Variants in PRKN observed in about 807,000 individuals in gnomAD.
The protein encoded by PRKN is parkin RBR E3 ubiquitin protein ligase, also known as E3 ubiquitin-protein ligase parkin.
PRKN carries 56 observed loss-of-function variants against 59.5 expected under a neutral mutation model. That is an observed-to-expected ratio of 0.94 (90% CI 0.76 to 1.18). The LOEUF (loss-of-function observed/expected upper bound fraction) is 1.18, where lower values mean the gene tolerates loss of function less well. Ranked by LOEUF, PRKN falls within the 50% of genes most tolerant of loss-of-function variation. The pLI is 0.00. For synonymous variants in PRKN, 250 were observed against 222.1 expected (o/e 1.13, Z -1.12); for missense variants, 657 against 596.4 (o/e 1.10, Z -1.06).
At position 162,290,088 on chromosome 6, in the gene PRKN, T is replaced by C. The variant is rs144804671; in HGVS notation, c.172-27323A>G. 6.6e-5 allele frequency among the ~76,000 whole-genome samples: 10 copies of C among 152,296 alleles called. No individual in the cohort carries two copies. The East Asian group carries it at 1.5e-3, about 24-fold the overall frequency. ...TTATTCGCCTCCTATGTCCTGAGCATGAGAATTGAGCACCAGAGGAAGAAT... is the reference window on the plus strand; with the variant it reads ...TTATTCGCCTCCTATGTCCTGAGCACGAGAATTGAGCACCAGAGGAAGAAT... On this transcript the variant is annotated intron_variant, in intron 2 of 11. Coordinates refer to ENST00000366898, the MANE Select transcript of PRKN (RefSeq NM_004562.3).
At chr6:162,360,873 G>C (rs1212108643) in intron 2 of PRKN, among the ~76,000 whole-genome samples, 5 of 152,140 alleles carry the variant, frequency 3.3e-5, no homozygotes, top group Non-Finnish European at 7.3e-5. Context: ...ATGGTAAAAG[G>C]ATAAAGGAAC....
intron 7 of PRKN, among the ~76,000 whole-genome samples, chr6:161,599,650 A>T (rs2128143095): frequency 6.6e-6 from 1 of 152,250 alleles, no homozygotes; most frequent in Non-Finnish European, 1.5e-5. Flanking sequence ...ATTAAATTCA[A>T]CCAAAGCCTG....
chr6:162,420,302 A>G (rs1788894072), intron 2 of PRKN, among the ~76,000 whole-genome samples: 1 of 152,142 alleles, frequency 6.6e-6, no homozygotes, highest in Non-Finnish European at 1.5e-5. Context: ...TATGTTTAAA[A>G]TACCATAGCC....
intron 1 of PRKN, among the ~76,000 whole-genome samples, chr6:162,467,672 A>G (rs4709620): frequency 0.41 from 62,215 of 151,882 alleles, 16,064 homozygotes; most frequent in African/African-American, 0.73. Flanking sequence ...TTGACACAAG[A>G]AAAAACTCAC....
At chr6:162,138,661 A>G (rs559381560) in intron 4 of PRKN, among the ~76,000 whole-genome samples, 1 of 152,326 alleles carries the variant, frequency 6.6e-6, no homozygotes, top group African/African-American at 2.4e-5. Flanking sequence ...AAGGAAGTAG[A>G]GGGAAAGAGG....
chr6:161,570,241 G>A (rs1283481915), intron 7 of PRKN, among the ~76,000 whole-genome samples: 4 of 138,448 alleles, frequency 2.9e-5, no homozygotes, highest in African/African-American at 5.3e-5. Flanking sequence ...ATAGATATGA[G>A]TTATATATAT....
At chr6:161,771,181 C>G (rs1056494545) in intron 7 of PRKN, among the ~76,000 whole-genome samples, 4 of 151,552 alleles carry the variant, frequency 2.6e-5, no homozygotes, top group Non-Finnish European at 5.9e-5. Context: ...ACGGTGAAAC[C>G]CTGTCTCTAC....
chr6:161,810,614 T>C (rs1023387023), intron 6 of PRKN, among the ~76,000 whole-genome samples: 1 of 152,186 alleles, frequency 6.6e-6, no homozygotes, highest in African/African-American at 2.4e-5. Flanking sequence ...GATCAAGACA[T>C]GGCTGCTAAC....
intron 2 of PRKN, among the ~76,000 whole-genome samples, chr6:162,378,660 T>C (rs1391473721): frequency 6.6e-6 from 1 of 152,252 alleles, no homozygotes; most frequent in Non-Finnish European, 1.5e-5. Context: ...TTGTTCTACC[T>C]GGCAGTCTCA....
intron 2 of PRKN, among the ~76,000 whole-genome samples, chr6:162,326,969 T>C (rs926390428): frequency 1.3e-5 from 2 of 152,188 alleles, no homozygotes; most frequent in African/African-American, 2.4e-5. Context: ...AACTCTACCC[T>C]ATTATCACAG....
chr6:162,693,330 C>T (rs34653853), intron 1 of PRKN, among the ~76,000 whole-genome samples: 12,921 of 152,212 alleles, frequency 0.085, 692 homozygotes, highest in Middle Eastern at 0.18. Flanking sequence ...GAGATGGGAT[C>T]GTGACCTACC....
At chr6:162,618,856 G>C (rs967762916) in intron 1 of PRKN, among the ~76,000 whole-genome samples, 2 of 152,166 alleles carry the variant, frequency 1.3e-5, no homozygotes, top group African/African-American at 4.8e-5. Flanking sequence ...GCAACACATT[G>C]TGTCCGAAAT....
intron 7 of PRKN, among the ~76,000 whole-genome samples, chr6:161,724,879 G>A (rs1787374683): frequency 6.6e-6 from 1 of 152,220 alleles, no homozygotes; most frequent in South Asian, 2.1e-4. Context: ...CCTGGTAGGA[G>A]GTGTTTGGGT....
chr6:162,399,919 G>T (rs1261177278), intron 2 of PRKN, among the ~76,000 whole-genome samples: 1 of 152,178 alleles, frequency 6.6e-6, no homozygotes, highest in African/African-American at 2.4e-5. Flanking sequence ...AGAAATCAAA[G>T]AAGAGGCTGG....
At position 161,356,193 on chromosome 6, in the gene PRKN, C is replaced by A. The variant is rs1191785175; in HGVS notation, c.1285+3895G>T. Among the ~76,000 whole-genome samples the A allele has an allele frequency of 6.6e-6, 1 of 152,246 alleles. No individual in the cohort carries two copies. Among genetic ancestry groups the A allele is most frequent in the African/African-American group, 2.4e-5 (1 of 41,474 alleles). On this transcript the variant is annotated intron_variant, in intron 11 of 11. Coordinates refer to ENST00000366898, the MANE Select transcript of PRKN (RefSeq NM_004562.3). This position sits in a 1 kb window ranked among gnomAD's most constrained non-coding sequence, Gnocchi z 7.8. ...TCAAGGCCATCCACAGGCAGGCCCCCTGCAGAGGGAATGGCAGTGCCTCCC... is the reference window on the plus strand; with the variant it reads ...TCAAGGCCATCCACAGGCAGGCCCCATGCAGAGGGAATGGCAGTGCCTCCC...
At position 161,940,572 on chromosome 6, in the gene PRKN, G is replaced by T. The variant is rs115236609; in HGVS notation, c.734+32730C>A. 8.6e-3 allele frequency among the ~76,000 whole-genome samples: 1,302 copies of T among 152,272 alleles called. 24 individuals are homozygous for T. The highest frequency in any genetic ancestry group is 0.03 in the African/African-American group (1,247 of 41,562). On this transcript the variant is annotated intron_variant, in intron 6 of 11. Transcript: ENST00000366898. ...AGTTTTAGAACCAGAGGACATAAAG[G>T]TTCTTGATAACATATGTATTTTTCA...
At chr6:162,043,101 G>A (rs1428040248) in intron 5 of PRKN, among the ~76,000 whole-genome samples, 1 of 152,124 alleles carries the variant, frequency 6.6e-6, no homozygotes, top group Non-Finnish European at 1.5e-5. Context: ...AGAAGCAAAA[G>A]CAGAAACCCC....
chr6:161,522,475 C>T (rs1294619717), intron 9 of PRKN, among the ~76,000 whole-genome samples: 3 of 152,194 alleles, frequency 2.0e-5, no homozygotes, highest in Admixed American at 1.3e-4. Flanking sequence ...GCTTTCCTGG[C>T]GGGACATTTG....
chr6:161,730,804 TTTCAGATATGTTGCA>T, intron 7 of PRKN, among the ~76,000 whole-genome samples: 1 of 152,130 alleles, frequency 6.6e-6, no homozygotes, highest in South Asian at 2.1e-4. Flanking sequence ...TGTTGCATTC[TTTCAGATATGTTGCA>T]TTCTGATGTG....
Sources: gnomAD v4.1 joint callset for allele counts (sites outside exome capture counted in the v4.1 genomes callset) on GRCh38, gnomAD v4.1.1 for gene constraint, Gnocchi (gnomAD v3.1) non-coding constraint, MANE v1.5 for transcripts, NCBI Gene and HGNC (gene_info 2026-07-23, HGNC 2026-07-21) for gene names.